Variants in ZFAND3 observed in about 807,000 individuals in gnomAD.
ZFAND3 encodes AN1-type zinc finger protein 3.
In ZFAND3, 10 loss-of-function variants were observed where a neutral mutation model predicts 29.6. That is an observed-to-expected ratio of 0.34 (90% confidence interval 0.21 to 0.57). The LOEUF is 0.57. Ranked by LOEUF, ZFAND3 falls within the 20% of genes least tolerant of loss-of-function variation. The pLI is 0.86. For missense variants in ZFAND3, 230 were observed against 304.5 expected, an observed-to-expected ratio of 0.76 and a Z score of 1.82; for synonymous variants, 128 against 112.6, an observed-to-expected ratio of 1.14 and a Z score of -0.87.
chr6:37,912,227 T>A (rs1221128453), intron 1 of ZFAND3, among the ~76,000 whole-genome samples: 1 of 152,088 alleles, frequency 6.6e-6, no homozygotes, highest in Non-Finnish European at 1.5e-5. Flanking sequence ...CTGAGTTGAA[T>A]TCTGTCAGTC....
intron 4 of ZFAND3, among the ~76,000 whole-genome samples, chr6:38,093,035 G>A (rs1024870032): frequency 6.6e-6 from 1 of 152,184 alleles, no homozygotes; most frequent in African/African-American, 2.4e-5. Flanking sequence ...GCTAATCCCA[G>A]TAGTATAAGC....
chr6:37,941,563 CTT>C (rs975399128), intron 2 of ZFAND3, among the ~76,000 whole-genome samples: 10 of 152,130 alleles, frequency 6.6e-5, no homozygotes, highest in African/African-American at 2.4e-4. Flanking sequence ...GTTCATATGA[CTT>C]TTAGCTCATT....
intron 4 of ZFAND3, among the ~76,000 whole-genome samples, chr6:38,104,317 AAG>A (rs10545897): frequency 0.078 from 11,939 of 152,178 alleles, 586 homozygotes; most frequent in African/African-American, 0.14. Context: ...GGTGGTTGAG[AAG>A]AGGAAGCTTT....
intron 2 of ZFAND3, among the ~76,000 whole-genome samples, chr6:38,033,823 G>A (rs1371116671): frequency 6.6e-6 from 1 of 152,052 alleles, no homozygotes; most frequent in African/African-American, 2.4e-5. Flanking sequence ...CAATCACAGG[G>A]TATCTCTATG....
chr6:37,911,439 A>G (rs548977913), intron 1 of ZFAND3, among the ~76,000 whole-genome samples: 4 of 152,256 alleles, frequency 2.6e-5, no homozygotes, highest in East Asian at 3.9e-4. Flanking sequence ...TTAGATGTTA[A>G]AGAAGTATGG....
intron 1 of ZFAND3, among the ~76,000 whole-genome samples, chr6:37,920,273 A>G (rs1761353394): frequency 2.6e-5 from 4 of 151,158 alleles, no homozygotes; most frequent in Admixed American, 2.6e-4. Context: ...AGTTTCTCTT[A>G]TGTGGAAAAA....
chr6:38,015,339 T>C (rs1170916075), intron 2 of ZFAND3, among the ~76,000 whole-genome samples: 1 of 152,226 alleles, frequency 6.6e-6, no homozygotes, highest in Non-Finnish European at 1.5e-5. Flanking sequence ...CAAATGTTAA[T>C]GAGGATGTGT....
At chr6:37,897,668 C>T in intron 1 of ZFAND3, among the ~76,000 whole-genome samples, 1 of 152,298 alleles carries the variant, frequency 6.6e-6, no homozygotes. Context: ...TTTCAGTCTT[C>T]TAGCCTCTGG....
chr6:37,841,878 G>A (rs1375806727), intron 1 of ZFAND3, among the ~76,000 whole-genome samples: 1 of 152,174 alleles, frequency 6.6e-6, no homozygotes, highest in Non-Finnish European at 1.5e-5. Flanking sequence ...ATACCTGTAT[G>A]TCTTAGTTTG....
At chr6:37,961,283 G>A (rs1762191342) in intron 2 of ZFAND3, among the ~76,000 whole-genome samples, 1 of 152,194 alleles carries the variant, frequency 6.6e-6, no homozygotes, top group African/African-American at 2.4e-5. Context: ...GAAAGGGGAG[G>A]GAAGAGTAGG....
At chr6:37,946,190 G>C (rs1761898561) in intron 2 of ZFAND3, among the ~76,000 whole-genome samples, 1 of 152,094 alleles carries the variant, frequency 6.6e-6, no homozygotes, top group African/African-American at 2.4e-5. Flanking sequence ...GCAACCAAGG[G>C]AACCTTTTCA....
intron 2 of ZFAND3, among the ~76,000 whole-genome samples, chr6:37,988,698 C>G (rs1022147926): frequency 2.0e-5 from 3 of 152,176 alleles, no homozygotes; most frequent in Non-Finnish European, 4.4e-5. Context: ...TCTGGTTCCT[C>G]TTGTTCCTGT....
chr6:37,960,917 C>T (rs1400450901), intron 2 of ZFAND3, among the ~76,000 whole-genome samples: 1 of 151,440 alleles, frequency 6.6e-6, no homozygotes, highest in Non-Finnish European at 1.5e-5. Context: ...CCACCTTTAC[C>T]AAAAATTAAA....
At chr6:38,011,776 T>A (rs1166785404) in intron 2 of ZFAND3, among the ~76,000 whole-genome samples, 1 of 151,936 alleles carries the variant, frequency 6.6e-6, no homozygotes, top group Non-Finnish European at 1.5e-5. Flanking sequence ...ACTTAAAACG[T>A]GATCAAATAC....
chr6:37,996,273 C>G (rs1375695092), intron 2 of ZFAND3, among the ~76,000 whole-genome samples: 1 of 152,154 alleles, frequency 6.6e-6, no homozygotes, highest in Non-Finnish European at 1.5e-5. Flanking sequence ...TATTGATAGT[C>G]TCACAGTATT....
chr6:38,078,887 G>A (rs1392833294), intron 3 of ZFAND3, among the ~76,000 whole-genome samples: 1 of 152,168 alleles, frequency 6.6e-6, no homozygotes, highest in Non-Finnish European at 1.5e-5. Context: ...ACTTACGCCA[G>A]CCACACTCTC....
intron 1 of ZFAND3, among the ~76,000 whole-genome samples, chr6:37,905,707 T>A (rs1466405628): frequency 6.6e-6 from 1 of 152,162 alleles, no homozygotes; most frequent in Non-Finnish European, 1.5e-5. Context: ...TGAGTTAATC[T>A]TAAAAATGTT....
chr6:37,974,563 C>T (rs750643154), intron 2 of ZFAND3, among the ~76,000 whole-genome samples: 4 of 151,996 alleles, frequency 2.6e-5, no homozygotes, highest in Non-Finnish European at 4.4e-5. Flanking sequence ...CGCTCCAACA[C>T]CTGGATAATT....
intron 2 of ZFAND3, among the ~76,000 whole-genome samples, chr6:38,040,882 G>C (rs1198066188): frequency 6.6e-6 from 1 of 152,148 alleles, no homozygotes; most frequent in African/African-American, 2.4e-5. Flanking sequence ...TCTGTTATCT[G>C]ATCCACAGTC....
Sources: allele counts gnomAD v4.1 joint callset (sites outside exome capture counted in the v4.1 genomes callset), GRCh38; gene constraint gnomAD v4.1.1; transcripts MANE v1.5; gene names NCBI Gene and HGNC (gene_info 2026-07-23, HGNC 2026-07-21).